The following USP28 variants were observed in gnomAD, a reference collection of about 807,000 sequenced individuals.
USP28 encodes the protein ubiquitin carboxyl-terminal hydrolase 28.
Under a neutral mutation model 145.0 loss-of-function variants are expected in USP28, and 113 were observed. The observed-to-expected ratio is 0.78, with a 90% confidence interval of 0.67 to 0.91. The LOEUF (loss-of-function observed/expected upper bound fraction) is 0.91. Among genes scored for constraint, USP28 ranks in the 40% least tolerant of loss-of-function variants. The pLI, the probability that USP28 is intolerant of heterozygous loss-of-function variation, is 0.00. For missense variants in USP28, 1,201 were observed against 1,289.6 expected, an observed-to-expected ratio of 0.93 and a Z score of 1.05; for synonymous variants, 447 against 450.9, an observed-to-expected ratio of 0.99 and a Z score of 0.11.
intron 21 of USP28, 138 bp from the exon 23 acceptor site, chr11:113,804,015 G>C: frequency 1.5e-6 from 1 of 679,606 alleles, no homozygotes; most frequent in Non-Finnish European, 2.4e-6. Context: ...AAAGCTTTCA[G>C]ATAAAAACCT....
intron 13 of USP28, among the ~76,000 whole-genome samples, chr11:113,816,084 G>C (rs1941689472): frequency 6.6e-6 from 1 of 152,160 alleles, no homozygotes. Flanking sequence ...TCAAGTAAAT[G>C]TTAATTTCTC....
At chr11:113,863,342 G>A (rs1392113568) in intron 1 of USP28, among the ~76,000 whole-genome samples, 8 of 152,160 alleles carry the variant, frequency 5.3e-5, no homozygotes, top group African/African-American at 1.4e-4. Flanking sequence ...AACCTGGGCC[G>A]GGCGCAGTGG....
At chr11:113,835,681 A>T (rs1018072286) in intron 5 of USP28, among the ~76,000 whole-genome samples, 2 of 152,212 alleles carry the variant, frequency 1.3e-5, no homozygotes, top group Admixed American at 1.3e-4. Flanking sequence ...CTACCCTGTG[A>T]CATTCTTGAG....
intron 16 of USP28, among the ~76,000 whole-genome samples, chr11:113,811,014 C>G (rs963980840): frequency 2.0e-5 from 3 of 152,162 alleles, no homozygotes; most frequent in Admixed American, 6.6e-5. Flanking sequence ...AGTTTGAATA[C>G]TACAGGCAAA....
At chr11:113,869,709 G>A (rs1042803402) in intron 1 of USP28, among the ~76,000 whole-genome samples, 4 of 152,282 alleles carry the variant, frequency 2.6e-5, no homozygotes, top group Middle Eastern at 3.4e-3. Context: ...ATAGCATATG[G>A]CAGACACGAG....
chr11:113,865,605 T>C (rs1948175203), intron 1 of USP28, among the ~76,000 whole-genome samples: 1 of 152,236 alleles, frequency 6.6e-6, no homozygotes, highest in South Asian at 2.1e-4. Flanking sequence ...GGAAAAATCA[T>C]GTCTTCAACA....
chr11:113,840,497 A>G (rs1382025199), intron 5 of USP28, 101 bp downstream of exon 5: 1 of 1,415,468 alleles, frequency 7.1e-7, no homozygotes. Context: ...CTAATTTTAA[A>G]TATCTATTTT....
intron 24 of USP28, among the ~76,000 whole-genome samples, chr11:113,799,767 G>A (rs1170663867): frequency 1.3e-5 from 2 of 152,104 alleles, no homozygotes; most frequent in African/African-American, 4.8e-5. Flanking sequence ...TTTTAAATCA[G>A]GGGTGTACAG....
Position 113,840,760 on chromosome 11 carries a change from A to G in USP28, c.375-3T>C. ...CTGCAGAGGTTGCTTCATGCATCCT[A>G]TATTGTGCAGCGTGCCACACAGCAA... On this transcript the variant is annotated splice_polypyrimidine_tract_variant and splice_region_variant and intron_variant, in intron 4 of 24. Transcript: ENST00000003302. 1.9e-6 allele frequency: 3 copies of G among 1,612,200 alleles called. No individual in the cohort carries two copies. The highest frequency in any genetic ancestry group is 2.5e-6 in the Non-Finnish European group (3 of 1,179,694).
chr11:113,855,492 T>C (rs539543676), intron 1 of USP28, among the ~76,000 whole-genome samples: 1 of 152,368 alleles, frequency 6.6e-6, no homozygotes, highest in African/African-American at 2.4e-5. Flanking sequence ...TAGTAGTATG[T>C]CTCAGAGAGA....
chr11:113,805,667 G>T (rs1286865491), intron 19 of USP28, among the ~76,000 whole-genome samples: 2 of 152,134 alleles, frequency 1.3e-5, no homozygotes, highest in East Asian at 1.9e-4. Flanking sequence ...TAAACTTAAA[G>T]AATCTATACA....
At chr11:113,840,245 T>A (rs1945047209) in intron 5 of USP28, among the ~76,000 whole-genome samples, 1 of 152,134 alleles carries the variant, frequency 6.6e-6, no homozygotes, top group Admixed American at 6.5e-5. Flanking sequence ...CTTCTCTCCT[T>A]CCATGACTTC....
At chr11:113,816,292 A>T (rs1238680743) in intron 13 of USP28, among the ~76,000 whole-genome samples, 1 of 152,122 alleles carries the variant, frequency 6.6e-6, no homozygotes, top group Non-Finnish European at 1.5e-5. Flanking sequence ...TAAGGAGGGC[A>T]AATTACCAGG....
At chr11:113,804,868 C>T in exon 20 of USP28, 1 of 1,613,992 alleles carries the variant, frequency 6.2e-7, no homozygotes, top group Non-Finnish European at 8.5e-7. Flanking sequence ...CTCTTCTCAC[C>T]TTTCATCATA....
At chr11:113,804,969 C>T (rs369240975) in exon 20 of USP28, 6 of 1,614,120 alleles carry the variant, frequency 3.7e-6, no homozygotes, top group Non-Finnish European at 4.2e-6. Context: ...CAAGGACATG[C>T]TGAAGTCGAG....
intron 6 of USP28, 36 bp from the exon 7 acceptor site, chr11:113,833,593 C>T (rs753976919): frequency 1.9e-6 from 3 of 1,574,984 alleles, no homozygotes; most frequent in Admixed American, 3.9e-5. Flanking sequence ...CTTACAATAT[C>T]TCATTTAGAA....
chr11:113,863,345 C>T (rs1311758050), intron 1 of USP28, among the ~76,000 whole-genome samples: 3 of 152,126 alleles, frequency 2.0e-5, no homozygotes, highest in Admixed American at 6.6e-5. Flanking sequence ...CTGGGCCGGG[C>T]GCAGTGGGTC....
intron 1 of USP28, 94 bp from the exon 2 acceptor site, chr11:113,854,429 G>A: frequency 8.2e-7 from 1 of 1,225,870 alleles, no homozygotes; most frequent in Non-Finnish European, 1.2e-6. Context: ...TGGATAAACA[G>A]GCCTGAGGCT....
intron 11 of USP28, among the ~76,000 whole-genome samples, chr11:113,826,180 G>T (rs796742098): frequency 6.6e-6 from 1 of 151,262 alleles, no homozygotes; most frequent in African/African-American, 2.4e-5. Flanking sequence ...CTATTTGGGA[G>T]GCTGACACAG....
Sources: allele counts gnomAD v4.1 joint callset (sites outside exome capture counted in the v4.1 genomes callset), GRCh38; gene constraint gnomAD v4.1.1; transcripts MANE v1.5; gene names NCBI Gene and HGNC (gene_info 2026-07-23, HGNC 2026-07-21).